Variants in MAGI1 observed in about 807,000 individuals in gnomAD.
MAGI1 encodes the protein membrane-associated guanylate kinase, WW and PDZ domain-containing protein 1.
In MAGI1, 58 loss-of-function variants were observed where a neutral mutation model predicts 139.9. The ratio of observed to expected loss-of-function variants is 0.41; its 90% CI spans 0.34 to 0.52. The LOEUF (loss-of-function observed/expected upper bound fraction) is 0.52, where lower values mean the gene tolerates loss of function less well. MAGI1 is among the 20% of genes least tolerant of loss of function. The pLI, the probability that MAGI1 is intolerant of heterozygous loss-of-function variation, is 0.12. For synonymous variants in MAGI1, 812 were observed against 737.9 expected, an observed-to-expected ratio of 1.10 and a Z score of -1.63; for missense variants, 1,874 against 1,901.6, an observed-to-expected ratio of 0.99 and a Z score of 0.27.
chr3:65,833,581 G>A (rs2042643932), intron 1 of MAGI1, among the ~76,000 whole-genome samples: 1 of 152,178 alleles, frequency 6.6e-6, no homozygotes, highest in African/African-American at 2.4e-5. Context: ...ATTTACTAGT[G>A]TAATCATCGA....
rs75252004 is a variant in MAGI1 at position 65,755,399 on chromosome 3, G to C, written c.314-133311C>G. On this transcript the variant is annotated intron_variant, in intron 1 of 22. Transcript: ENST00000402939. ...TGATATGATCCAACCCATACTCTTT[G>C]CTCTATACCTTTGGTCTCTGATATC... Among the ~76,000 whole-genome samples the C allele has an allele frequency of 2.1e-4, 32 of 152,216 alleles. No individual in the cohort carries two copies. The East Asian group carries it at 5.0e-3, about 24-fold the overall frequency.
rs17368855 is a variant in MAGI1 at position 65,702,141 on chromosome 3, G to A, written c.314-80053C>T. ...GTATTCAGTACCTGTGTTTACGAGCGAGCCCACTGGTCCCCCATAATAGCA... is the reference window on the plus strand; with the variant it reads ...GTATTCAGTACCTGTGTTTACGAGCAAGCCCACTGGTCCCCCATAATAGCA... On this transcript the variant is annotated intron_variant, in intron 1 of 22. Transcript: ENST00000402939. Among the ~76,000 whole-genome samples the A allele has an allele frequency of 8.8e-3, 1,335 of 152,034 alleles. 7 individuals carry two copies. The highest frequency in any genetic ancestry group is 0.027 in the Middle Eastern group (8 of 294).
rs7616871 is a variant in MAGI1 at position 65,993,660 on chromosome 3, G to A, written c.313+44336C>T. 5.8e-3 allele frequency among the ~76,000 whole-genome samples: 878 copies of A among 152,216 alleles called. 16 individuals are homozygous for A. Among genetic ancestry groups the A allele is most frequent in the African/African-American group, 0.02 (835 of 41,510 alleles). ...AACTTGATCACAAGCCTGTGAGTTA[G>A]GCAGTTCAAGTGTGATCTCATCAAC... On this transcript the variant is annotated intron_variant, in intron 1 of 22. Transcript: ENST00000402939.
intron 1 of MAGI1, among the ~76,000 whole-genome samples, chr3:65,624,557 T>C (rs1335854744): frequency 6.6e-6 from 1 of 152,028 alleles, no homozygotes; most frequent in Non-Finnish European, 1.5e-5. Context: ...ATATAGAAAG[T>C]TTTGGGATGG....
chr3:65,995,960 T>C lies in MAGI1; in HGVS notation c.313+42036A>G, dbSNP rs1000470662. 5.9e-5 allele frequency among the ~76,000 whole-genome samples: 9 copies of C among 152,272 alleles called. No individual in the cohort carries two copies. In the South Asian group the frequency reaches 1.5e-3, roughly 25 times the overall value. ...TTGTAGGGAGCTATGATCGTGCCAC[T>C]GTACTCTAGGCTGGGTGACAGAGAA... On this transcript the variant is annotated intron_variant, in intron 1 of 22. Coordinates refer to ENST00000402939, the MANE Select transcript of MAGI1 (RefSeq NM_001033057.2).
intron 12 of MAGI1, among the ~76,000 whole-genome samples, chr3:65,420,140 T>A (rs1464800306): frequency 6.6e-6 from 1 of 152,018 alleles, no homozygotes; most frequent in Admixed American, 6.6e-5. Flanking sequence ...TCTGAACACG[T>A]TACTGAGAGC....
chr3:65,918,063 A>G (rs1286783020), intron 1 of MAGI1, among the ~76,000 whole-genome samples: 1 of 152,176 alleles, frequency 6.6e-6, no homozygotes, highest in African/African-American at 2.4e-5. Flanking sequence ...CCTTCCTCTC[A>G]ATTTTATTGT....
chr3:65,950,499 A>C (rs2063784728), intron 1 of MAGI1, among the ~76,000 whole-genome samples: 1 of 152,210 alleles, frequency 6.6e-6, no homozygotes, highest in Non-Finnish European at 1.5e-5. Flanking sequence ...AACTAATTTA[A>C]AAGATTAAAA....
chr3:65,559,486 T>C (rs570562144), intron 2 of MAGI1, among the ~76,000 whole-genome samples: 26 of 152,348 alleles, frequency 1.7e-4, no homozygotes, highest in Middle Eastern at 6.8e-3. Context: ...TTACTTTAAA[T>C]TTTTTAATTT....
chr3:65,428,812 A>C (rs1037815504), intron 12 of MAGI1, among the ~76,000 whole-genome samples: 6 of 152,194 alleles, frequency 3.9e-5, no homozygotes, highest in Non-Finnish European at 8.8e-5. Context: ...ATTATATGGA[A>C]GTGTTGGGAG....
chr3:65,478,782 T>A lies in MAGI1; in HGVS notation c.567A>T (p.Thr189=). The part of the protein sequence containing the change: ...VGTYEGNYYG[T]PKPPSQPVSG... ...TGACTGGCTGGCTAGGAGGCTTGGG[T>A]GTCCCATAATAGTTTCCTAGGTGAT... Residue 189 remains threonine, a synonymous_variant, in exon 4 of 23, where the codon ACA becomes ACT. Coordinates refer to ENST00000402939, the MANE Select transcript of MAGI1 (RefSeq NM_001033057.2). 6.2e-7 allele frequency: 1 copy of A among 1,613,660 alleles called. No individual in the cohort carries two copies. Among genetic ancestry groups the A allele is most frequent in the Non-Finnish European group, 8.5e-7 (1 of 1,179,666 alleles).
At chr3:65,904,482 C>A (rs909158343) in intron 1 of MAGI1, among the ~76,000 whole-genome samples, 1 of 152,104 alleles carries the variant, frequency 6.6e-6, no homozygotes, top group Non-Finnish European at 1.5e-5. Flanking sequence ...GCCTTCAGGG[C>A]CCTGCGGCCC....
intron 1 of MAGI1, among the ~76,000 whole-genome samples, chr3:65,783,065 G>A (rs1273331216): frequency 6.6e-6 from 1 of 151,800 alleles, no homozygotes; most frequent in Non-Finnish European, 1.5e-5. Context: ...CTTTGGTGTT[G>A]CAAACAACAC....
chr3:65,604,539 T>A (rs1190620979), intron 2 of MAGI1, among the ~76,000 whole-genome samples: 1 of 152,114 alleles, frequency 6.6e-6, no homozygotes, highest in East Asian at 1.9e-4. Context: ...GACTTTCATA[T>A]AATGTCAGAG....
At chr3:66,018,117 G>GC (rs949258429) in intron 1 of MAGI1, among the ~76,000 whole-genome samples, 2 of 138,024 alleles carry the variant, frequency 1.4e-5, no homozygotes, top group African/African-American at 5.1e-5. Flanking sequence ...CTTTGGTGGG[G>GC]GGGGGGGGTG....
chr3:65,723,034 A>G (rs1169485468), intron 1 of MAGI1, among the ~76,000 whole-genome samples: 1 of 152,046 alleles, frequency 6.6e-6, no homozygotes, highest in Non-Finnish European at 1.5e-5. Context: ...AGGAGCAATG[A>G]TATTAGGACA....
chr3:66,021,986 G>GT (rs1445136810), intron 1 of MAGI1, among the ~76,000 whole-genome samples: 4 of 152,158 alleles, frequency 2.6e-5, no homozygotes, highest in African/African-American at 9.7e-5. Context: ...TAAGTGCCTG[G>GT]TAACAGGTGC....
intron 12 of MAGI1, among the ~76,000 whole-genome samples, chr3:65,413,694 T>G (rs1017005504): frequency 1.3e-5 from 2 of 152,128 alleles, no homozygotes; most frequent in Admixed American, 1.3e-4. Context: ...GCTATTAGAT[T>G]TCAGGTTTCG....
At chr3:65,507,791 A>G (rs2077360615) in intron 2 of MAGI1, among the ~76,000 whole-genome samples, 1 of 152,226 alleles carries the variant, frequency 6.6e-6, no homozygotes, top group Non-Finnish European at 1.5e-5. Flanking sequence ...CTACAACTAT[A>G]GCTCATTTTA....
Sources: gnomAD v4.1 joint callset for allele counts (sites outside exome capture counted in the v4.1 genomes callset) on GRCh38, gnomAD v4.1.1 for gene constraint, MANE v1.5 for transcripts, NCBI Gene and HGNC (gene_info 2026-07-23, HGNC 2026-07-21) for gene names.